Variants in WDR1 observed in about 807,000 individuals in gnomAD.
WDR1 encodes WD repeat domain 1.
Under a neutral mutation model 71.9 loss-of-function variants are expected in WDR1, and 21 were observed. The observed-to-expected ratio is 0.29, with a 90% CI of 0.21 to 0.42. The LOEUF (loss-of-function observed/expected upper bound fraction) is 0.42, where lower values mean the gene tolerates loss of function less well. Among genes scored for constraint, WDR1 ranks in the 10% least tolerant of loss-of-function variants. The probability of loss-of-function intolerance (pLI) is 1.00; values close to 1 mark genes in which losing one functional copy is unlikely to be tolerated. For missense variants in WDR1, 696 were observed against 824.5 expected (o/e 0.84, Z 1.91); for synonymous variants, 424 against 347.4 (o/e 1.22, Z -2.45).
At chr4:10,082,597 A>C (rs1207905496) in intron 10 of WDR1, among the ~76,000 whole-genome samples, 2 of 151,672 alleles carry the variant, frequency 1.3e-5, no homozygotes, top group African/African-American at 4.8e-5. Flanking sequence ...CTGTGTGCCC[A>C]TCTCACCCTT....
At position 10,074,370 on chromosome 4, in the gene WDR1, G is replaced by A. The variant is rs1318209153; in HGVS notation, c.*1008C>T. ...GAAAAGATATTTAATTATTTCTCAGGCTAATCTCTTAAAGCGCTCAAAGTG... is the reference window on the plus strand; with the variant it reads ...GAAAAGATATTTAATTATTTCTCAGACTAATCTCTTAAAGCGCTCAAAGTG... On this transcript the variant is annotated 3_prime_UTR_variant, in exon 15 of 15. Coordinates refer to ENST00000499869, the MANE Select transcript of WDR1 (RefSeq NM_017491.5). 1 of 152,570 alleles carries A rather than the reference G, an allele frequency of 6.6e-6. No homozygotes were observed. Among genetic ancestry groups the A allele is most frequent in the Non-Finnish European group, 1.5e-5 (1 of 68,042 alleles). 9.5% of individuals were successfully genotyped at this position (152,570 alleles called of 1,614,324 possible). A position where few individuals can be genotyped will look rare whatever the true frequency, so the allele number is the denominator to read the frequency against.
intron 5 of WDR1, among the ~76,000 whole-genome samples, chr4:10,088,984 C>T (rs1175506404): frequency 3.9e-5 from 6 of 152,204 alleles, no homozygotes; most frequent in Admixed American, 6.5e-5. Context: ...TTAGCCCGAG[C>T]GAAGGCAGAC....
chr4:10,097,974 G>C (rs1485876062), intron 4 of WDR1, 83 bp from the exon 5 acceptor site: 1 of 1,371,648 alleles, frequency 7.3e-7, no homozygotes, highest in African/African-American at 1.5e-5. Flanking sequence ...TGATAGCTGA[G>C]CTGCCAGTGC....
At chr4:10,111,119 C>T (rs1432303140) in intron 2 of WDR1, among the ~76,000 whole-genome samples, 2 of 151,914 alleles carry the variant, frequency 1.3e-5, no homozygotes, top group South Asian at 4.1e-4. Flanking sequence ...CTTCTCCTTA[C>T]CGTAGGCTGG....
At chr4:10,106,843 AGAGG>A (rs1713051097) in intron 2 of WDR1, among the ~76,000 whole-genome samples, 1 of 152,118 alleles carries the variant, frequency 6.6e-6, no homozygotes, top group Non-Finnish European at 1.5e-5. Flanking sequence ...CTCAGCTCGC[AGAGG>A]GAGGCTGCTT....
intron 4 of WDR1, among the ~76,000 whole-genome samples, chr4:10,098,268 C>G (rs1712476759): frequency 6.6e-6 from 1 of 152,156 alleles, no homozygotes; most frequent in East Asian, 1.9e-4. Flanking sequence ...GGCTGACATT[C>G]AACAAAAACA....
At chr4:10,102,340 C>G (rs935347518) in intron 3 of WDR1, among the ~76,000 whole-genome samples, 1 of 152,240 alleles carries the variant, frequency 6.6e-6, no homozygotes, top group Non-Finnish European at 1.5e-5. Context: ...AGTGTGACCT[C>G]GAAAACCATG....
Position 10,088,288 on chromosome 4 carries a change from C to T in WDR1, c.717+5G>A. 3 of 1,552,090 alleles carry T rather than the reference C, an allele frequency of 1.9e-6. No individual in the cohort carries two copies. Among genetic ancestry groups the T allele is most frequent in the Non-Finnish European group, 2.6e-6 (3 of 1,147,608 alleles). On this transcript the variant is annotated splice_donor_5th_base_variant and intron_variant, in intron 7 of 14. Coordinates refer to ENST00000499869, the MANE Select transcript of WDR1 (RefSeq NM_017491.5). ...CACTAGGCCGGGAAACACGCTCATA[C>T]TCACTGCGTAAATCCCACCGTCGTG...
At chr4:10,106,984 C>G (rs1288279741) in intron 2 of WDR1, among the ~76,000 whole-genome samples, 1 of 152,208 alleles carries the variant, frequency 6.6e-6, no homozygotes, top group Non-Finnish European at 1.5e-5. Flanking sequence ...GCCTCCTCCC[C>G]CTCCTTCCAT....
At chr4:10,104,106 T>C in intron 2 of WDR1, 120 bp from the exon 3 acceptor site, 1 of 1,065,466 alleles carries the variant, frequency 9.4e-7, no homozygotes, top group South Asian at 1.4e-5. Flanking sequence ...GCTAAAACCG[T>C]GAAGAAAACC....
At chr4:10,109,289 C>T (rs1713207702) in intron 2 of WDR1, among the ~76,000 whole-genome samples, 1 of 152,270 alleles carries the variant, frequency 6.6e-6, no homozygotes, top group Non-Finnish European at 1.5e-5. Flanking sequence ...ATATAACTAA[C>T]AGCACGGTGA....
At chr4:10,106,915 T>C (rs140630757) in intron 2 of WDR1, among the ~76,000 whole-genome samples, 3 of 152,084 alleles carry the variant, frequency 2.0e-5, no homozygotes, top group African/African-American at 7.2e-5. Flanking sequence ...TGAGGCTCTG[T>C]CCCCATCAGC....
At chr4:10,080,451 C>T (rs1014445363) in intron 11 of WDR1, among the ~76,000 whole-genome samples, 2 of 152,248 alleles carry the variant, frequency 1.3e-5, no homozygotes, top group African/African-American at 2.4e-5. Flanking sequence ...CCCACCCCCA[C>T]TGGCTGTCCA....
intron 8 of WDR1, among the ~76,000 whole-genome samples, chr4:10,085,631 C>T (rs1167944907): frequency 5.3e-5 from 8 of 152,242 alleles, no homozygotes; most frequent in African/African-American, 1.9e-4. Flanking sequence ...CTTGAACTTA[C>T]CAGAAACACT....
At chr4:10,093,219 C>T in intron 5 of WDR1, 1 of 1,160,230 alleles carries the variant, frequency 8.6e-7, no homozygotes, top group Non-Finnish European at 1.1e-6. Flanking sequence ...TTCCCCCCAG[C>T]CTCAGCTGAC....
At chr4:10,097,674 A>G (rs1346287229) in intron 5 of WDR1, 37 bp downstream of exon 5, 5 of 1,590,546 alleles carry the variant, frequency 3.1e-6, no homozygotes, top group Non-Finnish European at 4.3e-6. Flanking sequence ...CCTCATGTAC[A>G]AACCACAAAT....
At chr4:10,112,131 A>C (rs755425865) in intron 2 of WDR1, among the ~76,000 whole-genome samples, 2 of 151,806 alleles carry the variant, frequency 1.3e-5, no homozygotes, top group African/African-American at 2.4e-5. Context: ...TTTTTATTGT[A>C]GGATGGTCCC....
At chr4:10,084,980 G>T (rs915695407) in intron 8 of WDR1, among the ~76,000 whole-genome samples, 1 of 152,208 alleles carries the variant, frequency 6.6e-6, no homozygotes, top group Non-Finnish European at 1.5e-5. Flanking sequence ...CTCTCTCCCT[G>T]CCCAGGAGTG....
intron 2 of WDR1, among the ~76,000 whole-genome samples, chr4:10,110,200 G>A (rs550613081): frequency 6.6e-5 from 10 of 152,174 alleles, no homozygotes; most frequent in South Asian, 4.1e-4. Context: ...CAGGTCTAAG[G>A]AGCAGGCACA....
Sources: allele counts gnomAD v4.1 joint callset (sites outside exome capture counted in the v4.1 genomes callset), GRCh38; gene constraint gnomAD v4.1.1; transcripts MANE v1.5; gene names NCBI Gene and HGNC (gene_info 2026-07-23, HGNC 2026-07-21).